The following TBC1D12 variants were observed in gnomAD, a reference collection of about 807,000 sequenced individuals.
TBC1D12 encodes TBC1 domain family member 12.
In TBC1D12, 56 loss-of-function variants were observed where a neutral mutation model predicts 86.7. That is an observed-to-expected ratio of 0.65 (90% CI 0.52 to 0.81). TBC1D12 has a LOEUF of 0.81. TBC1D12 is among the 30% of genes least tolerant of loss of function. The probability of loss-of-function intolerance (pLI) is 0.00; values close to 1 mark genes in which losing one functional copy is unlikely to be tolerated. For synonymous variants in TBC1D12, 421 were observed against 411.7 expected (o/e 1.02, Z -0.27); for missense variants, 1,023 against 1,038.8 (o/e 0.98, Z 0.21).
intron 1 of TBC1D12, among the ~76,000 whole-genome samples, chr10:94,418,045 C>T (rs1025551352): frequency 1.3e-5 from 2 of 152,134 alleles, no homozygotes; most frequent in East Asian, 1.9e-4. Context: ...TGAGCCACCG[C>T]GCCCGGCCCA....
chr10:94,444,953 C>G (rs1157409948), intron 2 of TBC1D12, among the ~76,000 whole-genome samples: 2 of 148,666 alleles, frequency 1.3e-5, no homozygotes, highest in Non-Finnish European at 3.0e-5. Flanking sequence ...AGGATGGTCT[C>G]AATCTCCTGA....
chr10:94,444,381 A>C (rs942823935), intron 2 of TBC1D12, among the ~76,000 whole-genome samples: 1 of 152,116 alleles, frequency 6.6e-6, no homozygotes, highest in South Asian at 2.1e-4. Context: ...TGACCAAGAA[A>C]GGTTGGGAAC....
chr10:94,444,322 C>G (rs150906758), intron 2 of TBC1D12, among the ~76,000 whole-genome samples: 2 of 149,934 alleles, frequency 1.3e-5, no homozygotes, highest in African/African-American at 2.5e-5. Flanking sequence ...TTAGGTATTT[C>G]TTTTGGCTTA....
chr10:94,452,119 T>A (rs1295659549), intron 2 of TBC1D12, among the ~76,000 whole-genome samples: 1 of 151,186 alleles, frequency 6.6e-6, no homozygotes, highest in East Asian at 1.9e-4. Context: ...TATTTAAATA[T>A]ATGTATTTAA....
chr10:94,495,678 A>G (rs1219944802), intron 4 of TBC1D12, among the ~76,000 whole-genome samples: 3 of 151,988 alleles, frequency 2.0e-5, no homozygotes, highest in African/African-American at 7.2e-5. Context: ...GTAACATGTG[A>G]GAGGCAGGTC....
At chr10:94,456,897 A>T (rs2055634716) in intron 2 of TBC1D12, among the ~76,000 whole-genome samples, 1 of 152,148 alleles carries the variant, frequency 6.6e-6, no homozygotes, top group Non-Finnish European at 1.5e-5. Flanking sequence ...TTGGATTACT[A>T]ACCCCTTTAT....
chr10:94,440,704 A>G (rs1274843645), intron 1 of TBC1D12, among the ~76,000 whole-genome samples: 1 of 152,156 alleles, frequency 6.6e-6, no homozygotes, highest in African/African-American at 2.4e-5. Flanking sequence ...AGCTTATGCA[A>G]AGGGTTTATA....
At chr10:94,413,657 C>T (rs1280447034) in intron 1 of TBC1D12, among the ~76,000 whole-genome samples, 2 of 151,892 alleles carry the variant, frequency 1.3e-5, no homozygotes, top group African/African-American at 4.8e-5. Context: ...AATCAAGCTA[C>T]AAGTCATGCT....
chr10:94,529,983 G>A (rs1257992901), intron 11 of TBC1D12, among the ~76,000 whole-genome samples: 1 of 152,208 alleles, frequency 6.6e-6, no homozygotes, highest in Non-Finnish European at 1.5e-5. Flanking sequence ...GATAGGGATG[G>A]ACTTTTGTTT....
At position 94,519,730 on chromosome 10, in the gene TBC1D12, A is replaced by G. The variant is rs1842090627; in HGVS notation, c.1762-2225A>G. On this transcript the variant is annotated intron_variant, in intron 9 of 12. Transcript: ENST00000225235. ...AGAGGCTGCCTACATTCCTTAGCTCATGGGCCTATAGCTCCATCTTCAAAG... is the reference window on the plus strand; with the variant it reads ...AGAGGCTGCCTACATTCCTTAGCTCGTGGGCCTATAGCTCCATCTTCAAAG... Among the ~76,000 whole-genome samples, 4 of 152,104 alleles carry G rather than the reference A, an allele frequency of 2.6e-5. No homozygotes were observed. In the South Asian group the frequency reaches 8.3e-4, roughly 32 times the overall value.
chr10:94,404,341 G>A (rs1419313726), intron 1 of TBC1D12, among the ~76,000 whole-genome samples: 1 of 151,990 alleles, frequency 6.6e-6, no homozygotes, highest in Non-Finnish European at 1.5e-5. Context: ...GATTTGACAG[G>A]ATATTCTTGA....
At position 94,530,854 on chromosome 10, in the gene TBC1D12, C is replaced by CTTT. The variant is rs71031584; in HGVS notation, c.2001-328_2001-326dup. Among the ~76,000 whole-genome samples, 70 of 102,714 alleles carry CTTT rather than the reference C, an allele frequency of 6.8e-4. 1 individual carries two copies. Among genetic ancestry groups the CTTT allele is most frequent in the Non-Finnish European group, 7.7e-4 (41 of 52,942 alleles). The allele number at this position is 102,714 out of a possible 152,430, so 67.4% of individuals were successfully genotyped here. ...ACTACTCAAGTTTGAGGGAGGAAGC[C>CTTT]TTTTTTTTTTTTTTTTTTTTTTCTG... On this transcript the variant is annotated intron_variant, in intron 11 of 12. Transcript: ENST00000225235.
At chr10:94,490,923 G>A (rs887843987) in intron 3 of TBC1D12, among the ~76,000 whole-genome samples, 3 of 151,676 alleles carry the variant, frequency 2.0e-5, no homozygotes, top group African/African-American at 7.3e-5. Context: ...GCACAGATCA[G>A]TACTCAGCCA....
chr10:94,532,904 A>G, intron 12 of TBC1D12, 124 bp from the exon 13 acceptor site: 1 of 533,256 alleles, frequency 1.9e-6, no homozygotes, highest in Non-Finnish European at 3.2e-6. Flanking sequence ...TGAGAATGAC[A>G]CACTTTCGGG....
chr10:94,483,738 T>TG (rs1292948700), intron 3 of TBC1D12, among the ~76,000 whole-genome samples: 2 of 152,114 alleles, frequency 1.3e-5, no homozygotes, highest in African/African-American at 4.8e-5. Context: ...TTTTGTTTTT[T>TG]TTTGTTTGTT....
intron 2 of TBC1D12, among the ~76,000 whole-genome samples, chr10:94,460,505 TC>T (rs1456003071): frequency 6.6e-6 from 1 of 152,262 alleles, no homozygotes; most frequent in Admixed American, 6.5e-5. Flanking sequence ...TGTTTTTACC[TC>T]TGCTGCCTTT....
At chr10:94,404,436 A>T (rs1043694327) in intron 1 of TBC1D12, among the ~76,000 whole-genome samples, 2 of 152,110 alleles carry the variant, frequency 1.3e-5, no homozygotes, top group African/African-American at 4.8e-5. Flanking sequence ...ATTTGAGGTC[A>T]GGGGTTCGAG....
At chr10:94,469,424 A>C (rs2055870507) in intron 2 of TBC1D12, among the ~76,000 whole-genome samples, 1 of 144,318 alleles carries the variant, frequency 6.9e-6, no homozygotes, top group Non-Finnish European at 1.5e-5. Context: ...GAATACTGCT[A>C]TGCTAGTTTC....
chr10:94,409,912 A>G (rs1220640725), intron 1 of TBC1D12, among the ~76,000 whole-genome samples: 1 of 152,144 alleles, frequency 6.6e-6, no homozygotes, highest in East Asian at 1.9e-4. Context: ...ATCACCTTAT[A>G]TTTATGGTAC....
Sources: allele counts gnomAD v4.1 joint callset (sites outside exome capture counted in the v4.1 genomes callset), GRCh38; gene constraint gnomAD v4.1.1; transcripts MANE v1.5; gene names NCBI Gene and HGNC (gene_info 2026-07-23, HGNC 2026-07-21).